The following CHP1 variants were observed in gnomAD, a reference collection of about 807,000 sequenced individuals.
CHP1 encodes calcineurin like EF-hand protein 1, also known as calcineurin B homologous protein 1.
CHP1 carries 11 observed loss-of-function variants against 27.4 expected under a neutral mutation model. The observed-to-expected ratio is 0.40, with a 90% CI of 0.25 to 0.67. The LOEUF is 0.67. Ranked by LOEUF, CHP1 falls within the 30% of genes least tolerant of loss-of-function variation. CHP1 has a pLI of 0.38. For missense variants in CHP1, 169 were observed against 251.3 expected (o/e 0.67, Z 2.22); for synonymous variants, 89 against 87.4 (o/e 1.02, Z -0.10).
At chr15:41,241,064 G>A (rs766329424) in intron 1 of CHP1, among the ~76,000 whole-genome samples, 7 of 152,126 alleles carry the variant, frequency 4.6e-5, no homozygotes, top group Non-Finnish European at 7.4e-5. Context: ...TGTTGGCCAG[G>A]ATGGTCTCGA....
chr15:41,237,151 T>G (rs1036090665), intron 1 of CHP1, among the ~76,000 whole-genome samples: 1 of 148,406 alleles, frequency 6.7e-6, no homozygotes, highest in Non-Finnish European at 1.5e-5. Flanking sequence ...TTTTTCTTTT[T>G]TTTTTTTTAA....
At chr15:41,236,058 G>A (rs1455903631) in intron 1 of CHP1, among the ~76,000 whole-genome samples, 1 of 149,790 alleles carries the variant, frequency 6.7e-6, no homozygotes, top group Non-Finnish European at 1.5e-5. Flanking sequence ...AGAGGGCATT[G>A]TGGGAAAGAG....
intron 4 of CHP1, among the ~76,000 whole-genome samples, chr15:41,269,539 C>T (rs939837853): frequency 1.3e-5 from 2 of 152,052 alleles, no homozygotes; most frequent in Non-Finnish European, 2.9e-5. Flanking sequence ...TGATATTTCC[C>T]CAGCTGCACC....
intron 5 of CHP1, among the ~76,000 whole-genome samples, chr15:41,272,833 G>A (rs1337426938): frequency 1.3e-5 from 2 of 152,212 alleles, no homozygotes; most frequent in African/African-American, 4.8e-5. Flanking sequence ...TGGATCCCGA[G>A]GTCAGGAGAT....
intron 1 of CHP1, among the ~76,000 whole-genome samples, chr15:41,233,191 A>T (rs528621951): frequency 2.6e-5 from 4 of 152,204 alleles, no homozygotes; most frequent in Non-Finnish European, 5.9e-5. Flanking sequence ...CCACATTTGT[A>T]ATTAGTACTA....
intron 2 of CHP1, among the ~76,000 whole-genome samples, chr15:41,250,761 C>T (rs1329600148): frequency 6.7e-6 from 1 of 150,352 alleles, no homozygotes; most frequent in African/African-American, 2.4e-5. Flanking sequence ...ATAAAGAATA[C>T]TTCACAATAA....
At chr15:41,245,213 C>T (rs539185255) in intron 2 of CHP1, among the ~76,000 whole-genome samples, 2 of 152,304 alleles carry the variant, frequency 1.3e-5, no homozygotes, top group South Asian at 2.1e-4. Flanking sequence ...GTAATTCTAG[C>T]ACTTTGGGAG....
rs1190441479 is a variant in CHP1, at chr15:41,275,028, T to A, written c.412-3739T>A. 2.0e-5 allele frequency among the ~76,000 whole-genome samples: 3 copies of A among 152,128 alleles called. No homozygotes were observed. The East Asian group carries it at 5.8e-4, about 29-fold the overall frequency. On this transcript the variant is annotated intron_variant, in intron 5 of 6. Coordinates refer to ENST00000334660, the MANE Select transcript of CHP1 (RefSeq NM_007236.5). ...TGGTCTCCAACTCCTGACCTCGTCA[T>A]CCACCTGCCTCAGCCTCCCAAAGTC...
chr15:41,260,102 G>A (rs967964592), intron 3 of CHP1, among the ~76,000 whole-genome samples: 2 of 152,004 alleles, frequency 1.3e-5, no homozygotes, highest in South Asian at 4.1e-4. Context: ...GCTATGAACT[G>A]CATGTCTATA....
chr15:41,260,569 A>G (rs1026734041), intron 3 of CHP1, among the ~76,000 whole-genome samples: 8 of 151,596 alleles, frequency 5.3e-5, no homozygotes, highest in East Asian at 1.9e-4. Flanking sequence ...TAATTTTTGT[A>G]TTTTTAGTAG....
intron 5 of CHP1, among the ~76,000 whole-genome samples, chr15:41,274,973 T>A (rs1277554929): frequency 6.6e-6 from 1 of 151,682 alleles, no homozygotes; most frequent in Non-Finnish European, 1.5e-5. Flanking sequence ...GTATTCTTAG[T>A]CGAGACGGGT....
chr15:41,276,163 C>T (rs2047518746), intron 5 of CHP1, among the ~76,000 whole-genome samples: 1 of 151,660 alleles, frequency 6.6e-6, no homozygotes, highest in Non-Finnish European at 1.5e-5. Context: ...ATCGCCTGAA[C>T]CTGGGAGGTA....
chr15:41,253,086 G>A (rs937384875), intron 2 of CHP1, among the ~76,000 whole-genome samples: 3 of 151,332 alleles, frequency 2.0e-5, no homozygotes, highest in East Asian at 3.9e-4. Context: ...CTACAGGCTC[G>A]CGCCACCATG....
intron 1 of CHP1, among the ~76,000 whole-genome samples, chr15:41,233,131 A>T (rs1225657300): frequency 6.6e-6 from 1 of 152,238 alleles, no homozygotes; most frequent in African/African-American, 2.4e-5. Context: ...AGACGCAAGC[A>T]GTTTGGATTC....
At chr15:41,233,512 T>C (rs983855799) in intron 1 of CHP1, among the ~76,000 whole-genome samples, 4 of 152,168 alleles carry the variant, frequency 2.6e-5, no homozygotes, top group Non-Finnish European at 5.9e-5. Context: ...TGAGGGAGAT[T>C]CTCTCCACAA....
intron 5 of CHP1, among the ~76,000 whole-genome samples, chr15:41,277,791 G>GAA (rs559045538): frequency 0.025 from 2,951 of 117,884 alleles, 154 homozygotes; most frequent in African/African-American, 0.087. Flanking sequence ...TCCGCCTCAG[G>GAA]AAAAAAAAAA....
intron 1 of CHP1, among the ~76,000 whole-genome samples, chr15:41,234,954 A>G (rs1027973329): frequency 6.6e-6 from 1 of 152,210 alleles, no homozygotes; most frequent in African/African-American, 2.4e-5. Flanking sequence ...ATGTTTTGCC[A>G]ATTATAAGGA....
intron 1 of CHP1, 148 bp downstream of exon 1, chr15:41,231,597 C>A (rs569780691): frequency 4.2e-6 from 3 of 710,522 alleles, no homozygotes; most frequent in South Asian, 1.7e-5. Flanking sequence ...AGCTGGAAGA[C>A]CTGTTCTTCC....
chr15:41,261,033 A>C (rs1388397168), intron 3 of CHP1, among the ~76,000 whole-genome samples: 1 of 151,876 alleles, frequency 6.6e-6, no homozygotes, highest in African/African-American at 2.4e-5. Flanking sequence ...TATAAGCGTG[A>C]GCCACCATGC....
Sources: gnomAD v4.1 joint callset for allele counts (sites outside exome capture counted in the v4.1 genomes callset) on GRCh38, gnomAD v4.1.1 for gene constraint, MANE v1.5 for transcripts, NCBI Gene and HGNC (gene_info 2026-07-23, HGNC 2026-07-21) for gene names.